The following TTC13 variants were observed in gnomAD, a reference collection of about 807,000 sequenced individuals.
TTC13 encodes tetratricopeptide repeat domain 13, also known as tetratricopeptide repeat protein 13.
A neutral mutation model predicts 120.0 loss-of-function variants in TTC13; 62 were observed. That is an observed-to-expected ratio of 0.52 (90% CI 0.42 to 0.64). TTC13 has a LOEUF of 0.64. Ranked by LOEUF, TTC13 falls within the 30% of genes least tolerant of loss-of-function variation. The pLI is 0.00. For missense variants in TTC13, 824 were observed against 1,050.2 expected (o/e 0.78, Z 2.98); for synonymous variants, 384 against 393.5 (o/e 0.98, Z 0.28).
chr1:230,914,379 T>C (rs1671807039), intron 18 of TTC13, among the ~76,000 whole-genome samples: 1 of 147,876 alleles, frequency 6.8e-6, no homozygotes, highest in Non-Finnish European at 1.5e-5. Flanking sequence ...TAGTTAAGTA[T>C]ATTTTCCTTA....
At chr1:230,948,720 G>A (rs550982428) in intron 4 of TTC13, among the ~76,000 whole-genome samples, 7 of 152,180 alleles carry the variant, frequency 4.6e-5, no homozygotes, top group African/African-American at 1.4e-4. Flanking sequence ...AAGCTCCTGG[G>A]TTCAAGCAAT....
At chr1:230,973,280 C>T (rs35089977) in intron 1 of TTC13, among the ~76,000 whole-genome samples, 33,885 of 152,156 alleles carry the variant, frequency 0.22, 3,951 homozygotes, top group East Asian at 0.4. Flanking sequence ...AGCAAAAAGA[C>T]TGACTTCATG....
chr1:230,933,790 C>T lies in TTC13; in HGVS notation c.972G>A (p.Gly324=), dbSNP rs1673788922. ...ATTATTTTACTCACCTATATGCCTG[C>T]CCTAGACTTTTATATGCATCAATAA... ...VDFIDAYKSL[G]QAYRELGNFE... Residue 324 remains glycine (G), a synonymous_variant, in exon 9 of 23, where the codon GGG becomes GGA. Transcript: ENST00000366661. 1 of 1,605,638 alleles carries T rather than the reference C, an allele frequency of 6.2e-7. No individual in the cohort carries two copies. Among genetic ancestry groups the T allele is most frequent in the Non-Finnish European group, 8.5e-7 (1 of 1,175,426 alleles).
At chr1:230,931,229 G>A in intron 11 of TTC13, 69 bp downstream of exon 11, 3 of 1,528,580 alleles carry the variant, frequency 2.0e-6, no homozygotes, top group Non-Finnish European at 2.7e-6. Context: ...AAACATAAAA[G>A]AGTCAAGCAA....
chr1:230,908,975 T>C lies in TTC13; in HGVS notation c.2355A>G (p.Gly785=). The stretch of plus-strand genomic sequence containing the variant: ...TGGGAATTTTTCCTGCTACTTCTTT[T>C]CCACTTGCCATCAGTGCTCCCACGA... ...SVIVGALMAS[G]KEVAGKIPKG... The change falls in exon 21 of 23, where the codon GGA becomes GGG. Residue 785 remains glycine, a synonymous_variant. Transcript: ENST00000366661. 6.2e-7 allele frequency: 1 copy of C among 1,614,218 alleles called. No individual in the cohort carries two copies. The highest frequency in any genetic ancestry group is 8.5e-7 in the Non-Finnish European group (1 of 1,180,038).
chr1:230,936,102 G>A (rs1558190841), intron 8 of TTC13: 1 of 449,612 alleles, frequency 2.2e-6, no homozygotes, highest in East Asian at 7.0e-5. Flanking sequence ...TGTTAAGTCT[G>A]GAGTGCTTGT....
chr1:230,911,259 C>T (rs984747334), intron 20 of TTC13: 44 of 367,050 alleles, frequency 1.2e-4, no homozygotes, highest in African/African-American at 8.7e-4. Flanking sequence ...TCCTATTAAA[C>T]GTAAGCACAC....
At chr1:230,928,525 C>T (rs755209428) in intron 12 of TTC13, among the ~76,000 whole-genome samples, 18 of 152,144 alleles carry the variant, frequency 1.2e-4, no homozygotes, top group Non-Finnish European at 2.6e-4. Context: ...GATCTGCAAA[C>T]AATGACAGCT....
In TTC13 at chr1:230,978,604, G is replaced by A. The variant is rs1257270531; in HGVS notation, c.227C>T (p.Pro76Leu). 1 of 1,431,452 alleles carries A rather than the reference G, an allele frequency of 7.0e-7. No homozygotes were observed. The highest frequency in any genetic ancestry group is 1.3e-5 in the South Asian group (1 of 75,756). The allele number at this position is 1,431,452 out of a possible 1,614,324, so 88.7% of individuals were successfully genotyped here. A position where few individuals can be genotyped will look rare whatever the true frequency, so the allele number is the denominator to read the frequency against. ...CTGGTCCCCCCAGTCCCCGGACTGC[G>A]GGCTGCAGCCGCCGCCGCCCGCCGG... is the stretch of plus-strand genomic sequence containing the variant. The part of the protein sequence containing the change: ...EAPAGGGGCS[P>L]QSGDWGDQYS... Residue 76 changes from proline (P) to leucine (L), a missense_variant, in exon 1 of 23, where the codon CCG becomes CTG. By Grantham distance (98) the Pro-to-Leu change is moderately conservative. Transcript: ENST00000366661. The surrounding 1 kb of genome is among the most constrained non-coding windows in gnomAD (Gnocchi z 5.6).
At chr1:230,956,726 T>C (rs1364127159) in intron 3 of TTC13, among the ~76,000 whole-genome samples, 2 of 152,168 alleles carry the variant, frequency 1.3e-5, no homozygotes, top group African/African-American at 4.8e-5. Context: ...AGCTCAACAT[T>C]TTGTGAAAAA....
At chr1:230,950,477 T>G (rs1675470724) in intron 4 of TTC13, among the ~76,000 whole-genome samples, 1 of 152,110 alleles carries the variant, frequency 6.6e-6, no homozygotes, top group Non-Finnish European at 1.5e-5. Context: ...ACTTATATAG[T>G]GACTTTAAAT....
intron 4 of TTC13, among the ~76,000 whole-genome samples, chr1:230,947,383 C>T (rs1675098267): frequency 1.3e-5 from 2 of 152,070 alleles, no homozygotes; most frequent in East Asian, 1.9e-4. Context: ...AGCCAGAAGA[C>T]AGAACAGTCA....
At chr1:230,961,129 C>T in intron 2 of TTC13, 80 bp downstream of exon 2, 1 of 1,081,632 alleles carries the variant, frequency 9.2e-7, no homozygotes, top group East Asian at 2.4e-5. Context: ...TTCTAGTTGA[C>T]AGAGGCGACT....
intron 18 of TTC13, among the ~76,000 whole-genome samples, chr1:230,913,355 G>T (rs150833444): frequency 2.6e-5 from 4 of 152,148 alleles, no homozygotes; most frequent in African/African-American, 9.7e-5. Context: ...AGGAAGAAAC[G>T]GGGCCACAAA....
intron 13 of TTC13, 141 bp from the exon 14 acceptor site, chr1:230,925,114 GT>G (rs750345397): frequency 9.3e-7 from 1 of 1,076,148 alleles, no homozygotes; most frequent in South Asian, 1.5e-5. Context: ...CCCAAGGCAC[GT>G]TTCAGTCATG....
rs1388513407 is a variant in TTC13, at chr1:230,944,295, A to G, written c.580-397T>C. Among the ~76,000 whole-genome samples, 3 of 152,380 alleles carry G rather than the reference A, an allele frequency of 2.0e-5. No homozygotes were observed. The highest frequency in any genetic ancestry group is 7.2e-5 in the African/African-American group (3 of 41,596). ...GGTCAAGACAGTGTCTATCAAAAAC[A>G]TAAGCCTATAAATCTATACCTTAAG... On this transcript the variant is annotated intron_variant, in intron 5 of 22. Transcript: ENST00000366661. The surrounding 1 kb of genome is among the most constrained non-coding windows in gnomAD (Gnocchi z 4.0).
chr1:230,971,175 C>T (rs1224659764), intron 1 of TTC13, among the ~76,000 whole-genome samples: 1 of 121,640 alleles, frequency 8.2e-6, no homozygotes, highest in East Asian at 2.3e-4. Flanking sequence ...GGAACCCTGT[C>T]TCTATTAAAA....
At chr1:230,969,625 T>C (rs1010180055) in intron 1 of TTC13, among the ~76,000 whole-genome samples, 2 of 152,222 alleles carry the variant, frequency 1.3e-5, no homozygotes, top group Admixed American at 1.3e-4. Context: ...ACTTAATTAA[T>C]TAGTTTGAAG....
chr1:230,946,399 C>T (rs1435954163), intron 4 of TTC13, among the ~76,000 whole-genome samples: 2 of 152,056 alleles, frequency 1.3e-5, no homozygotes, highest in East Asian at 3.8e-4. Flanking sequence ...AAAATGAACA[C>T]ATTCACTTCA....
Sources: allele counts gnomAD v4.1 joint callset (sites outside exome capture counted in the v4.1 genomes callset), GRCh38; gene constraint gnomAD v4.1.1; non-coding constraint Gnocchi (gnomAD v3.1); transcripts MANE v1.5; gene names NCBI Gene and HGNC (gene_info 2026-07-23, HGNC 2026-07-21).